TSHZ2: variants seen among roughly 807,000 people sequenced by gnomAD.
TSHZ2 encodes the protein teashirt zinc finger homeobox 2.
Under a neutral mutation model 74.4 loss-of-function variants are expected in TSHZ2, and 21 were observed. That is an observed-to-expected ratio of 0.28 (90% CI 0.20 to 0.41). The LOEUF (loss-of-function observed/expected upper bound fraction) is 0.41. Ranked by LOEUF, TSHZ2 falls within the 10% of genes least tolerant of loss-of-function variation. The probability of loss-of-function intolerance (pLI) is 1.00; values close to 1 mark genes in which losing one functional copy is unlikely to be tolerated. For missense variants in TSHZ2, 1,244 were observed against 1,293.5 expected (o/e 0.96, Z 0.59); for synonymous variants, 540 against 515.3 (o/e 1.05, Z -0.65).
chr20:53,407,827 A>C (rs1021193479), intron 2 of TSHZ2, among the ~76,000 whole-genome samples: 3 of 152,210 alleles, frequency 2.0e-5, no homozygotes, highest in African/African-American at 7.2e-5. Context: ...TGTGATACAC[A>C]TGGGTGTGAC....
chr20:53,110,152 A>T (rs1016226484), intron 1 of TSHZ2, among the ~76,000 whole-genome samples: 1 of 152,132 alleles, frequency 6.6e-6, no homozygotes, highest in Non-Finnish European at 1.5e-5. Context: ...TAATCAGGGC[A>T]TTTCCAAATT....
chr20:53,190,102 T>TGC (rs2123538801), intron 1 of TSHZ2, among the ~76,000 whole-genome samples: 1 of 58,150 alleles, frequency 1.7e-5, no homozygotes, highest in East Asian at 6.5e-4. Context: ...TATATATATA[T>TGC]ATATATATAT....
intron 2 of TSHZ2, among the ~76,000 whole-genome samples, chr20:53,355,697 G>A (rs921221898): frequency 2.0e-5 from 3 of 152,196 alleles, no homozygotes; most frequent in African/African-American, 7.2e-5. Context: ...TTGAACAACT[G>A]AAATTATACT....
chr20:53,115,248 T>G (rs919226511), intron 1 of TSHZ2, among the ~76,000 whole-genome samples: 5 of 152,224 alleles, frequency 3.3e-5, no homozygotes, highest in Non-Finnish European at 7.3e-5. Flanking sequence ...CAATATGGTT[T>G]GGCTGTGTCC....
intron 1 of TSHZ2, among the ~76,000 whole-genome samples, chr20:53,102,547 A>G (rs1986248094): frequency 6.6e-6 from 1 of 152,160 alleles, no homozygotes; most frequent in African/African-American, 2.4e-5. Flanking sequence ...ATAAGACCGT[A>G]AAGAGTGAAG....
chr20:53,207,318 G>GT (rs1200029537), intron 1 of TSHZ2, among the ~76,000 whole-genome samples: 1 of 152,036 alleles, frequency 6.6e-6, no homozygotes, highest in Non-Finnish European at 1.5e-5. Flanking sequence ...GGGAGTTGTT[G>GT]TTTTTTTCAG....
At chr20:53,105,605 T>TTC (rs372302965) in intron 1 of TSHZ2, among the ~76,000 whole-genome samples, 6 of 151,876 alleles carry the variant, frequency 4.0e-5, no homozygotes, top group Admixed American at 3.9e-4. Context: ...TCCCATAGAG[T>TTC]TCTCTCTCTT....
At chr20:53,312,452 A>G (rs1476251821) in intron 2 of TSHZ2, among the ~76,000 whole-genome samples, 1 of 152,172 alleles carries the variant, frequency 6.6e-6, no homozygotes, top group Non-Finnish European at 1.5e-5. Flanking sequence ...CTTCCCTAAA[A>G]AGAATTAGGG....
chr20:53,471,215 A>T (rs553731801), intron 2 of TSHZ2, among the ~76,000 whole-genome samples: 30 of 151,150 alleles, frequency 2.0e-4, no homozygotes, highest in African/African-American at 7.1e-4. Flanking sequence ...AGGTACATCT[A>T]TTTTTTTTTC....
chr20:53,262,644 G>A (rs567184460), intron 2 of TSHZ2, among the ~76,000 whole-genome samples: 13 of 152,320 alleles, frequency 8.5e-5, no homozygotes, highest in African/African-American at 3.1e-4. Context: ...TTTTAAATCA[G>A]TCATGATGCC....
At chr20:53,172,026 G>GA (rs1032168705) in intron 1 of TSHZ2, among the ~76,000 whole-genome samples, 4 of 151,968 alleles carry the variant, frequency 2.6e-5, no homozygotes, top group East Asian at 3.9e-4. Flanking sequence ...AACTTACGAG[G>GA]AAAAAAAATG....
chr20:53,060,714 A>G (rs943855843), intron 1 of TSHZ2, among the ~76,000 whole-genome samples: 19 of 152,346 alleles, frequency 1.2e-4, no homozygotes, highest in African/African-American at 4.6e-4. Context: ...TAGAAGGAAG[A>G]GTGTTTAAAA....
At chr20:53,468,549 G>A (rs1328896821) in intron 2 of TSHZ2, among the ~76,000 whole-genome samples, 1 of 152,028 alleles carries the variant, frequency 6.6e-6, no homozygotes, top group Non-Finnish European at 1.5e-5. Flanking sequence ...ACACACTGGT[G>A]AAGAGATCTT....
chr20:53,466,287 GAA>G (rs575680303), intron 2 of TSHZ2, among the ~76,000 whole-genome samples: 3 of 143,678 alleles, frequency 2.1e-5, no homozygotes, highest in African/African-American at 7.6e-5. Context: ...AGAGAAAAAG[GAA>G]AAAAAAAAAA....
intron 1 of TSHZ2, among the ~76,000 whole-genome samples, chr20:53,101,118 G>A (rs112858643): frequency 1.7e-4 from 26 of 152,228 alleles, no homozygotes; most frequent in East Asian, 1.2e-3. Flanking sequence ...AAGGAATGCC[G>A]TTCTAAGGAC....
chr20:53,398,038 G>A (rs906507345), intron 2 of TSHZ2: 1 of 152,130 alleles, frequency 6.6e-6, no homozygotes, highest in African/African-American at 2.4e-5. Context: ...AAAATGATGA[G>A]TTAATGGGTG....
intron 1 of TSHZ2, among the ~76,000 whole-genome samples, chr20:53,099,908 TCTC>T (rs1233550073): frequency 1.3e-5 from 2 of 152,080 alleles, no homozygotes; most frequent in African/African-American, 4.8e-5. Flanking sequence ...TGTTATTACT[TCTC>T]CTCTACACAC....
Position 53,255,307 on chromosome 20 carries a change from G to A in TSHZ2, c.1849G>A (p.Glu617Lys). The change falls in exon 2 of 3, where the codon GAA (glutamate) becomes AAA (lysine). Residue 617 changes from glutamate to lysine, a missense_variant. Coordinates refer to ENST00000371497, the MANE Select transcript of TSHZ2 (RefSeq NM_173485.6). The surrounding 1 kb of genome is among the most constrained non-coding windows in gnomAD (Gnocchi z 4.1). ...TGAAGCGGTGAAGGAGTGTGGGAAA[G>A]AAAGTCCCCACGAAGAGGCCTCATC... is the stretch of plus-strand genomic sequence containing the variant. ...KDEAVKECGK[E>K]SPHEEASSFS... is the part of the protein sequence containing the mutation. The A allele has an allele frequency of 5.6e-6, 9 of 1,614,156 alleles. No homozygotes were observed. Among genetic ancestry groups the A allele is most frequent in the Non-Finnish European group, 7.6e-6 (9 of 1,180,008 alleles).
intron 1 of TSHZ2, among the ~76,000 whole-genome samples, chr20:53,165,924 C>G (rs1198155122): frequency 6.6e-6 from 1 of 152,232 alleles, no homozygotes; most frequent in Non-Finnish European, 1.5e-5. Context: ...GCTCACACAG[C>G]ATTCCCATCA....
Sources: allele counts gnomAD v4.1 joint callset (sites outside exome capture counted in the v4.1 genomes callset), GRCh38; gene constraint gnomAD v4.1.1; non-coding constraint Gnocchi (gnomAD v3.1); transcripts MANE v1.5; gene names NCBI Gene and HGNC (gene_info 2026-07-23, HGNC 2026-07-21).